The following NFIA variants were observed in gnomAD, a reference collection of about 807,000 sequenced individuals.
NFIA encodes nuclear factor I A, also known as nuclear factor 1 A-type.
A neutral mutation model predicts 62.8 loss-of-function variants in NFIA; 8 were observed. That is an observed-to-expected ratio of 0.13 (90% CI 0.07 to 0.23). The LOEUF (loss-of-function observed/expected upper bound fraction) is 0.23. NFIA is among the 10% of genes least tolerant of loss of function. The probability of loss-of-function intolerance (pLI) is 1.00; values close to 1 mark genes in which losing one functional copy is unlikely to be tolerated. For missense variants in NFIA, 410 were observed against 642.1 expected, an observed-to-expected ratio of 0.64 and a Z score of 3.91; for synonymous variants, 235 against 238.1, an observed-to-expected ratio of 0.99 and a Z score of 0.12.
At chr1:61,329,928 T>C (rs1265594588) in intron 3 of NFIA, among the ~76,000 whole-genome samples, 3 of 152,134 alleles carry the variant, frequency 2.0e-5, no homozygotes, top group Non-Finnish European at 4.4e-5. Flanking sequence ...GGGAAGGTCC[T>C]GAGCCACAGT....
chr1:61,090,983 T>G (rs1232877112), intron 2 of NFIA, among the ~76,000 whole-genome samples: 1 of 152,264 alleles, frequency 6.6e-6, no homozygotes, highest in Admixed American at 6.5e-5. Context: ...GACAAGCATC[T>G]GTTATAATAC....
At chr1:61,421,469 A>G (rs548965502) in intron 9 of NFIA, among the ~76,000 whole-genome samples, 13 of 152,334 alleles carry the variant, frequency 8.5e-5, no homozygotes, top group Admixed American at 6.5e-4. Context: ...GTATATTTGG[A>G]GTATTTGATA....
intron 2 of NFIA, among the ~76,000 whole-genome samples, chr1:61,132,428 A>G (rs939704764): frequency 6.6e-6 from 1 of 152,230 alleles, no homozygotes; most frequent in Non-Finnish European, 1.5e-5. Flanking sequence ...AAATACCGCC[A>G]TGTCAGGTTC....
chr1:61,375,741 G>C (rs1569669111), intron 6 of NFIA, among the ~76,000 whole-genome samples: 3 of 152,058 alleles, frequency 2.0e-5, no homozygotes, highest in African/African-American at 7.2e-5. Context: ...CCCATCAGTA[G>C]ACAAGCATGC....
chr1:61,245,554 G>A (rs1195129253), intron 2 of NFIA, among the ~76,000 whole-genome samples: 2 of 151,950 alleles, frequency 1.3e-5, no homozygotes, highest in Non-Finnish European at 2.9e-5. Context: ...AATTACGTAG[G>A]TAAAGAGTGA....
At chr1:61,165,368 A>G (rs1649499609) in intron 2 of NFIA, among the ~76,000 whole-genome samples, 1 of 152,206 alleles carries the variant, frequency 6.6e-6, no homozygotes, top group South Asian at 2.1e-4. Context: ...TTCTTGCAAA[A>G]TGCTTTACAA....
intron 4 of NFIA, among the ~76,000 whole-genome samples, chr1:61,335,503 T>C (rs187557850): frequency 3.2e-4 from 48 of 152,220 alleles, no homozygotes; most frequent in African/African-American, 1.1e-3. Context: ...GTGGATGCTT[T>C]TTGCAGATGA....
At chr1:61,362,354 A>G (rs1186503629) in intron 6 of NFIA, among the ~76,000 whole-genome samples, 2 of 152,166 alleles carry the variant, frequency 1.3e-5, no homozygotes, top group Non-Finnish European at 2.9e-5. Context: ...ATTTGGGATA[A>G]TTCTCTCAAA....
chr1:61,266,586 C>T (rs556109438), intron 2 of NFIA, among the ~76,000 whole-genome samples: 3 of 151,946 alleles, frequency 2.0e-5, no homozygotes, highest in East Asian at 3.9e-4. Flanking sequence ...TTAGTAGAGA[C>T]GGGGTTTCTC....
chr1:61,099,042 C>T lies in NFIA; in HGVS notation c.559+10362C>T, dbSNP rs372639116. On this transcript the variant is annotated intron_variant, in intron 2 of 10. Coordinates refer to ENST00000403491, the MANE Select transcript of NFIA (RefSeq NM_001134673.4). ...TATTTGCCCCTGGCCCCAGAAAAGACGACAAACATGCAAAATGGATAAATG... is the reference window on the plus strand; with the variant it reads ...TATTTGCCCCTGGCCCCAGAAAAGATGACAAACATGCAAAATGGATAAATG... Among the ~76,000 whole-genome samples the T allele has an allele frequency of 2.8e-4, 43 of 152,262 alleles. 1 individual carries two copies. The highest frequency in any genetic ancestry group is 1.9e-3 in the East Asian group (10 of 5,188).
intron 2 of NFIA, among the ~76,000 whole-genome samples, chr1:61,101,706 G>A (rs930557494): frequency 1.3e-5 from 2 of 152,088 alleles, no homozygotes; most frequent in Non-Finnish European, 2.9e-5. Context: ...TAGCAGTCTC[G>A]AGACTTTTAC....
At chr1:61,187,043 C>G (rs1237224562) in intron 2 of NFIA, among the ~76,000 whole-genome samples, 1 of 152,148 alleles carries the variant, frequency 6.6e-6, no homozygotes, top group Admixed American at 6.5e-5. Flanking sequence ...GCCAGTTTCA[C>G]CCTGTTAGCC....
At chr1:61,313,407 G>A (rs1660213736) in intron 3 of NFIA, among the ~76,000 whole-genome samples, 3 of 152,138 alleles carry the variant, frequency 2.0e-5, no homozygotes, top group Admixed American at 6.5e-5. Context: ...TGGCAGGAGC[G>A]GGAGCAAGAA....
chr1:61,198,852 A>G (rs112408801), intron 2 of NFIA, among the ~76,000 whole-genome samples: 94 of 152,188 alleles, frequency 6.2e-4, no homozygotes, highest in Non-Finnish European at 9.3e-4. Context: ...TTAAAATTTC[A>G]AATTGCATGC....
intron 3 of NFIA, among the ~76,000 whole-genome samples, chr1:61,322,368 T>C (rs752775081): frequency 3.9e-5 from 6 of 152,172 alleles, no homozygotes; most frequent in Non-Finnish European, 7.4e-5. Context: ...TTTCTTTCTG[T>C]TAATATTCCC....
chr1:61,222,186 G>T (rs922006306), intron 2 of NFIA, among the ~76,000 whole-genome samples: 1 of 152,080 alleles, frequency 6.6e-6, no homozygotes, highest in African/African-American at 2.4e-5. Context: ...AAGTTTTACG[G>T]TTTTCTTACA....
chr1:61,153,273 C>A (rs1199081251), intron 2 of NFIA, among the ~76,000 whole-genome samples: 1 of 152,194 alleles, frequency 6.6e-6, no homozygotes, highest in Non-Finnish European at 1.5e-5. Flanking sequence ...TATCAGCAGC[C>A]TGCTTCTATC....
At chr1:61,122,299 T>C (rs768353304) in intron 2 of NFIA, among the ~76,000 whole-genome samples, 10 of 152,232 alleles carry the variant, frequency 6.6e-5, no homozygotes, top group Non-Finnish European at 1.2e-4. Flanking sequence ...CAATCCGGTA[T>C]TATAAACTGG....
At chr1:61,279,799 C>G (rs1195541572) in intron 3 of NFIA, among the ~76,000 whole-genome samples, 1 of 152,048 alleles carries the variant, frequency 6.6e-6, no homozygotes, top group African/African-American at 2.4e-5. Context: ...GCCTGCAATC[C>G]CAATATTGTG....
Sources: allele counts gnomAD v4.1 joint callset (sites outside exome capture counted in the v4.1 genomes callset), GRCh38; gene constraint gnomAD v4.1.1; transcripts MANE v1.5; gene names NCBI Gene and HGNC (gene_info 2026-07-23, HGNC 2026-07-21).